ORC4: variants seen among roughly 807,000 people sequenced by gnomAD.
ORC4 encodes the protein origin recognition complex, subunit 4 homolog.
A neutral mutation model predicts 63.9 loss-of-function variants in ORC4; 55 were observed. The ratio of observed to expected loss-of-function variants is 0.86; its 90% CI spans 0.69 to 1.08. The LOEUF is 1.08. Among genes scored for constraint, ORC4 ranks in the 50% least tolerant of loss-of-function variants. ORC4 has a pLI of 0.00. For missense variants in ORC4, 511 were observed against 504.4 expected, an observed-to-expected ratio of 1.01 and a Z score of -0.13; for synonymous variants, 150 against 168.5, an observed-to-expected ratio of 0.89 and a Z score of 0.85.
chr2:148,006,754 T>C (rs1456367795), intron 1 of ORC4, among the ~76,000 whole-genome samples: 1 of 152,194 alleles, frequency 6.6e-6, no homozygotes, highest in Non-Finnish European at 1.5e-5. Context: ...GCCTTTGGCC[T>C]TGAATAACCA....
chr2:147,979,997 C>A (rs896419181), intron 1 of ORC4, among the ~76,000 whole-genome samples: 1 of 152,114 alleles, frequency 6.6e-6, no homozygotes, highest in Non-Finnish European at 1.5e-5. Context: ...CTTTTTGACA[C>A]TGGACTCGGC....
chr2:147,969,555 TAGA>T (rs1690088301), intron 4 of ORC4, among the ~76,000 whole-genome samples: 1 of 151,896 alleles, frequency 6.6e-6, no homozygotes, highest in East Asian at 1.9e-4. Context: ...AATATCAGAT[TAGA>T]AGAAGCAAAT....
intron 8 of ORC4, among the ~76,000 whole-genome samples, chr2:147,949,866 G>A (rs1030724909): frequency 6.6e-6 from 1 of 152,096 alleles, no homozygotes; most frequent in African/African-American, 2.4e-5. Context: ...TTGTTGAAAT[G>A]TTATAAAGAT....
At position 147,943,530 on chromosome 2, in the gene ORC4, G is replaced by T; in HGVS notation, c.763-8C>A. On this transcript the variant is annotated splice_polypyrimidine_tract_variant and splice_region_variant and intron_variant, in intron 9 of 13. Transcript: ENST00000392857. ...TCTATCTTCTGAGAGATACTAAAAG[G>T]AAAAAAAAAAAAAAAGCCAAAATTG... 3.3e-5 allele frequency: 39 copies of T among 1,168,444 alleles called. No homozygotes were observed. The highest frequency in any genetic ancestry group is 4.0e-5 in the Non-Finnish European group (32 of 809,346). The allele number at this position is 1,168,444 out of a possible 1,614,324, so 72.4% of individuals were successfully genotyped here. A position where few individuals can be genotyped will look rare whatever the true frequency, so the allele number is the denominator to read the frequency against.
intron 1 of ORC4, among the ~76,000 whole-genome samples, chr2:147,980,888 G>A (rs536716244): frequency 6.6e-6 from 1 of 152,214 alleles, no homozygotes; most frequent in Admixed American, 6.5e-5. Context: ...CAAAGGAAAT[G>A]AAATCAATAT....
intron 10 of ORC4, 138 bp downstream of exon 10, chr2:147,943,298 G>C (rs17231994): frequency 1.5e-6 from 1 of 680,148 alleles, no homozygotes. Context: ...TGCTTGTAAT[G>C]TCAGCACTTA....
rs1227084166 is a variant in ORC4, at chr2:147,931,502, A to G, written c.*4008T>C. The G allele has an allele frequency of 6.6e-6, 1 of 152,052 alleles. No homozygotes were observed. Among genetic ancestry groups the G allele is most frequent in the Admixed American group, 6.6e-5 (1 of 15,220 alleles). The allele number at this position is 152,052 out of a possible 1,614,324, so 9.4% of individuals were successfully genotyped here. On this transcript the variant is annotated 3_prime_UTR_variant, in exon 14 of 14. Coordinates refer to ENST00000392857, the MANE Select transcript of ORC4 (RefSeq NM_181741.4). ...TGTGAAAGTGTTCCTATTTCTCCAC[A>G]TCCTCTCCAGCACCTGTTGTTTCCT...
At chr2:147,949,443 G>A (rs1348011044) in intron 8 of ORC4, among the ~76,000 whole-genome samples, 1 of 152,086 alleles carries the variant, frequency 6.6e-6, no homozygotes, top group Non-Finnish European at 1.5e-5. Context: ...CAGGGGATTT[G>A]GGGTGATCAC....
At chr2:147,946,411 G>T (rs1044559273) in intron 9 of ORC4, among the ~76,000 whole-genome samples, 1 of 152,048 alleles carries the variant, frequency 6.6e-6, no homozygotes, top group Non-Finnish European at 1.5e-5. Flanking sequence ...TTCAGGAGTT[G>T]TAGAAGATGA....
intron 1 of ORC4, among the ~76,000 whole-genome samples, chr2:147,987,289 T>C (rs141100317): frequency 3.4e-3 from 516 of 150,696 alleles, no homozygotes; most frequent in East Asian, 8.4e-3. Context: ...CACACATACT[T>C]TTTCAACCAA....
At chr2:147,994,484 G>A (rs1368437566) in intron 1 of ORC4, among the ~76,000 whole-genome samples, 1 of 152,180 alleles carries the variant, frequency 6.6e-6, no homozygotes. Context: ...TGATAATGGT[G>A]AAAGAACAGA....
At chr2:147,963,467 C>T (rs1189198211) in intron 4 of ORC4, among the ~76,000 whole-genome samples, 1 of 152,178 alleles carries the variant, frequency 6.6e-6, no homozygotes, top group Non-Finnish European at 1.5e-5. Flanking sequence ...GCATCCTAAA[C>T]CTGAGAAACA....
intron 1 of ORC4, among the ~76,000 whole-genome samples, chr2:148,006,492 T>G (rs1045542662): frequency 4.6e-5 from 7 of 152,118 alleles, no homozygotes; most frequent in Non-Finnish European, 7.4e-5. Context: ...GCTAAGGGAA[T>G]CCCTGAGGCA....
intron 1 of ORC4, among the ~76,000 whole-genome samples, chr2:147,977,731 G>C (rs1339135631): frequency 6.6e-6 from 1 of 152,132 alleles, no homozygotes; most frequent in African/African-American, 2.4e-5. Context: ...CTTTTTCTAG[G>C]ACCTCGGTCT....
rs1027269398 is a variant in ORC4 at position 147,933,997 on chromosome 2, C to T, written c.*1513G>A. On this transcript the variant is annotated 3_prime_UTR_variant, in exon 14 of 14. Transcript: ENST00000392857. The stretch of plus-strand genomic sequence containing the variant: ...GAAACCTTTTATTCCACTTTGTATC[C>T]AAGATTTCATTAAAACATTGTTCCT... The T allele has an allele frequency of 6.6e-6, 1 of 152,096 alleles. No individual in the cohort carries two copies. The highest frequency in any genetic ancestry group is 2.4e-5 in the African/African-American group (1 of 41,426). 9.4% of individuals were successfully genotyped at this position (152,096 alleles called of 1,614,324 possible).
At chr2:147,960,308 T>A in intron 4 of ORC4, 1 of 983,678 alleles carries the variant, frequency 1.0e-6, no homozygotes, top group Non-Finnish European at 1.2e-6. Context: ...GTGTATGGTC[T>A]GAAATGATAA....
At chr2:147,986,790 TACACAC>T (rs70992183) in intron 1 of ORC4, among the ~76,000 whole-genome samples, 16 of 148,540 alleles carry the variant, frequency 1.1e-4, no homozygotes, top group African/African-American at 2.7e-4. Context: ...CACACACACA[TACACAC>T]ACACACACAC....
chr2:147,982,126 C>G (rs1690926082), intron 1 of ORC4: 1 of 152,114 alleles, frequency 6.6e-6, no homozygotes, highest in African/African-American at 2.4e-5. Context: ...TTGTCTTGAC[C>G]CTTAAGCATC....
At chr2:147,970,725 T>C (rs1459646401) in intron 4 of ORC4, among the ~76,000 whole-genome samples, 2 of 152,220 alleles carry the variant, frequency 1.3e-5, no homozygotes, top group East Asian at 1.9e-4. Flanking sequence ...ACTATAAAGC[T>C]TGTAGAAGAT....
Sources: gnomAD v4.1 joint callset for allele counts (sites outside exome capture counted in the v4.1 genomes callset) on GRCh38, gnomAD v4.1.1 for gene constraint, MANE v1.5 for transcripts, NCBI Gene and HGNC (gene_info 2026-07-23, HGNC 2026-07-21) for gene names.